The following CFAP20DC variants were observed in gnomAD, a reference collection of about 807,000 sequenced individuals.
The protein encoded by CFAP20DC is CFAP20 domain containing, also known as protein CFAP20DC.
A neutral mutation model predicts 101.7 loss-of-function variants in CFAP20DC; 84 were observed. That is an observed-to-expected ratio of 0.83 (90% CI 0.69 to 0.99). CFAP20DC has a LOEUF of 0.99. CFAP20DC is among the 50% of genes least tolerant of loss of function. The pLI is 0.00. For missense variants in CFAP20DC, 1,007 were observed against 970.3 expected (o/e 1.04, Z -0.50); for synonymous variants, 359 against 351.2 (o/e 1.02, Z -0.25).
chr3:58,929,836 T>A (rs1295828943), intron 5 of CFAP20DC, among the ~76,000 whole-genome samples: 1 of 152,176 alleles, frequency 6.6e-6, no homozygotes, highest in African/African-American at 2.4e-5. Context: ...ATACCAGAAC[T>A]TCTTATTGAA....
At chr3:58,880,907 C>T (rs961139760) in intron 7 of CFAP20DC, among the ~76,000 whole-genome samples, 1 of 152,124 alleles carries the variant, frequency 6.6e-6, no homozygotes, top group Non-Finnish European at 1.5e-5. Flanking sequence ...CTTTAACCAA[C>T]AATCCTAAGA....
chr3:58,886,358 G>T (rs1319579904), intron 6 of CFAP20DC, among the ~76,000 whole-genome samples: 1 of 151,988 alleles, frequency 6.6e-6, no homozygotes, highest in Non-Finnish European at 1.5e-5. Flanking sequence ...TATGGGAAAG[G>T]CTTGAGATAA....
chr3:58,907,417 G>C (rs760489315), intron 6 of CFAP20DC, among the ~76,000 whole-genome samples: 22 of 152,188 alleles, frequency 1.4e-4, no homozygotes, highest in Non-Finnish European at 2.6e-4. Flanking sequence ...GCCAGACCCT[G>C]AGCAGGGAAG....
chr3:58,932,485 G>C (rs909083496), intron 5 of CFAP20DC, among the ~76,000 whole-genome samples: 31 of 152,106 alleles, frequency 2.0e-4, no homozygotes, highest in African/African-American at 7.0e-4. Flanking sequence ...ATTCACCAAA[G>C]TTGAAATGAA....
chr3:58,853,594 T>A (rs1330049077), intron 12 of CFAP20DC, among the ~76,000 whole-genome samples: 1 of 151,950 alleles, frequency 6.6e-6, no homozygotes, highest in African/African-American at 2.4e-5. Context: ...AATAAAATAC[T>A]GGCAAACCGA....
intron 4 of CFAP20DC, among the ~76,000 whole-genome samples, chr3:58,985,821 A>G (rs1399622087): frequency 1.3e-5 from 2 of 152,172 alleles, no homozygotes; most frequent in African/African-American, 4.8e-5. Flanking sequence ...TATTTGTTCT[A>G]TATTATTCTA....
chr3:59,046,970 G>C (rs1576831809), intron 2 of CFAP20DC, among the ~76,000 whole-genome samples, 195 bp downstream of exon 2: 1 of 152,178 alleles, frequency 6.6e-6, no homozygotes, highest in Non-Finnish European at 1.5e-5. Flanking sequence ...ACATAGAAGG[G>C]TTATGACCTG....
intron 13 of CFAP20DC, among the ~76,000 whole-genome samples, chr3:58,834,554 G>T (rs2076609687): frequency 6.6e-6 from 1 of 152,166 alleles, no homozygotes; most frequent in African/African-American, 2.4e-5. Flanking sequence ...AGAAGAATAA[G>T]AGAGGATGTG....
At chr3:58,727,500 A>G (rs1439203184) in intron 3 of CFAP20DC, 1 of 151,978 alleles carries the variant, frequency 6.6e-6, no homozygotes, top group Admixed American at 6.6e-5. Context: ...GCAGTGGCGC[A>G]ATCTCGGCTC....
intron 14 of CFAP20DC, among the ~76,000 whole-genome samples, chr3:58,819,792 T>A (rs1217868549): frequency 1.3e-5 from 2 of 148,642 alleles, no homozygotes; most frequent in Non-Finnish European, 3.0e-5. Flanking sequence ...ACTCATTTTA[T>A]GAGGCCAGCA....
chr3:58,959,664 T>C (rs1484366096), intron 4 of CFAP20DC, among the ~76,000 whole-genome samples: 1 of 152,228 alleles, frequency 6.6e-6, no homozygotes, highest in Admixed American at 6.5e-5. Context: ...TTGATTACTG[T>C]AGCTTTACAG....
chr3:58,885,693 C>T (rs189484781), intron 6 of CFAP20DC, among the ~76,000 whole-genome samples: 270 of 151,300 alleles, frequency 1.8e-3, no homozygotes, highest in African/African-American at 6.3e-3. Flanking sequence ...AGCTTCCACA[C>T]GAGTGAGAAC....
At position 58,806,411 on chromosome 3, in the gene CFAP20DC, A is replaced by G. The variant is rs1421654003; in HGVS notation, c.2221T>C (p.Ser741Pro). 3.7e-6 allele frequency: 6 copies of G among 1,606,974 alleles called. No homozygotes were observed. Among genetic ancestry groups the G allele is most frequent in the Non-Finnish European group, 5.1e-6 (6 of 1,173,854 alleles). The change falls in exon 15 of 17, where the codon TCT (serine) becomes CCT (proline). Residue 741 changes from serine to proline, a missense_variant. Transcript: ENST00000482387. ...GATTCTTACCGGGGATTAGAAGGAG[A>G]AGGTGGGTTCATTTCTTTCTGATAG... ...RHYQKEMNPP[S>P]PSNPRDWLNM... is the part of the protein sequence containing the mutation.
chr3:58,816,455 A>G (rs940089003), intron 14 of CFAP20DC, among the ~76,000 whole-genome samples: 10 of 152,168 alleles, frequency 6.6e-5, no homozygotes, highest in South Asian at 2.1e-4. Flanking sequence ...GAGCCGAAGC[A>G]GGGCGAGGCA....
intron 15 of CFAP20DC, among the ~76,000 whole-genome samples, chr3:58,767,333 T>C (rs1323853821): frequency 6.6e-6 from 1 of 152,140 alleles, no homozygotes; most frequent in Non-Finnish European, 1.5e-5. Flanking sequence ...TGCTTCTTTA[T>C]AGCCAAGAAA....
At chr3:59,034,534 G>A (rs1267157576) in intron 4 of CFAP20DC, among the ~76,000 whole-genome samples, 2 of 151,948 alleles carry the variant, frequency 1.3e-5, no homozygotes, top group Middle Eastern at 3.2e-3. Context: ...ACAAAAGCAG[G>A]GGTTGCAATC....
rs1486029568 is a variant in CFAP20DC, at chr3:58,863,105, ATAATGAGTCC to A, written c.1593+443_1593+452del. 2 of 1,004,922 alleles carry A rather than the reference ATAATGAGTCC, an allele frequency of 2.0e-6. No individual in the cohort carries two copies. The highest frequency in any genetic ancestry group is 2.4e-6 in the Non-Finnish European group (2 of 843,590). The allele number at this position is 1,004,922 out of a possible 1,614,324, so 62.3% of individuals were successfully genotyped here. ...TTCAAATTCTGGGACCATATGGAAAATAATGAGTCCTAATAGGTCTAAGGTGAAAAGATGG... is the reference window on the plus strand; with the variant it reads ...TTCAAATTCTGGGACCATATGGAAAATAATAGGTCTAAGGTGAAAAGATGG... On this transcript the variant is annotated intron_variant, in intron 12 of 16. Transcript: ENST00000482387. This position sits in a 1 kb window ranked among gnomAD's most constrained non-coding sequence, Gnocchi z 5.9.
intron 12 of CFAP20DC, among the ~76,000 whole-genome samples, chr3:58,854,759 G>T (rs1443094228): frequency 2.0e-5 from 3 of 150,800 alleles, no homozygotes; most frequent in Non-Finnish European, 4.4e-5. Context: ...TTAATAAATG[G>T]TGCTGGGAAA....
At chr3:58,810,036 G>A (rs918649016) in intron 14 of CFAP20DC, among the ~76,000 whole-genome samples, 1 of 152,072 alleles carries the variant, frequency 6.6e-6, no homozygotes, top group Admixed American at 6.6e-5. Flanking sequence ...ACCAATAACA[G>A]GCTCTGAAAT....
Sources: allele counts gnomAD v4.1 joint callset (sites outside exome capture counted in the v4.1 genomes callset), GRCh38; gene constraint gnomAD v4.1.1; non-coding constraint Gnocchi (gnomAD v3.1); transcripts MANE v1.5; gene names NCBI Gene and HGNC (gene_info 2026-07-23, HGNC 2026-07-21).